The following ASXL3 variants were observed in gnomAD, a reference collection of about 807,000 sequenced individuals.
ASXL3 encodes putative Polycomb group protein ASXL3.
Under a neutral mutation model 170.6 loss-of-function variants are expected in ASXL3, and 34 were observed. The ratio of observed to expected loss-of-function variants is 0.20; its 90% CI spans 0.15 to 0.27. ASXL3 has a LOEUF of 0.27. ASXL3 is among the 10% of genes least tolerant of loss of function. The pLI is 1.00. For missense variants in ASXL3, 2,592 were observed against 2,695.3 expected (o/e 0.96, Z 0.85); for synonymous variants, 1,002 against 989.1 (o/e 1.01, Z -0.24).
chr18:33,647,413 G>A (rs1465149753), intron 4 of ASXL3, among the ~76,000 whole-genome samples: 1 of 152,044 alleles, frequency 6.6e-6, no homozygotes, highest in Non-Finnish European at 1.5e-5. Context: ...CTTTATGGAT[G>A]TTTTACTTTT....
At position 33,744,158 on chromosome 18, in the gene ASXL3, T is replaced by G; in HGVS notation, c.4310T>G (p.Leu1437Trp). The change falls in exon 12 of 12, where the codon TTG (leucine) becomes TGG (tryptophan). Residue 1437 changes from leucine (L) to tryptophan (W), a missense_variant. Coordinates refer to ENST00000269197, the MANE Select transcript of ASXL3 (RefSeq NM_030632.3). ...CCTCCCAAGTTAAGTGCTGAAAGCT[T>G]GGACAAAAATTCAGGGCCTCGAAAC... is the stretch of plus-strand genomic sequence containing the variant. ...DSPPKLSAESLDKNSGPRNRA... is the reference protein window; with the variant it reads ...DSPPKLSAESWDKNSGPRNRA... 6.2e-7 allele frequency: 1 copy of G among 1,614,012 alleles called. No individual in the cohort carries two copies. The highest frequency in any genetic ancestry group is 8.5e-7 in the Non-Finnish European group (1 of 1,179,890).
At chr18:33,641,106 A>G (rs1273819081) in intron 2 of ASXL3, among the ~76,000 whole-genome samples, 1 of 152,054 alleles carries the variant, frequency 6.6e-6, no homozygotes, top group Non-Finnish European at 1.5e-5. Flanking sequence ...TTCCCCAGGT[A>G]TTCTGTCTAG....
At chr18:33,594,202 T>C (rs1025841274) in intron 1 of ASXL3, among the ~76,000 whole-genome samples, 2 of 152,332 alleles carry the variant, frequency 1.3e-5, no homozygotes, top group Non-Finnish European at 2.9e-5. Flanking sequence ...AATTTAATAA[T>C]GCTGAATGGC....
chr18:33,598,728 G>T (rs1297152034), intron 1 of ASXL3, among the ~76,000 whole-genome samples: 1 of 152,160 alleles, frequency 6.6e-6, no homozygotes, highest in Non-Finnish European at 1.5e-5. Flanking sequence ...GATAAGAAAT[G>T]ATGACATATG....
At chr18:33,709,109 A>C (rs62092427) in intron 8 of ASXL3, among the ~76,000 whole-genome samples, 12,031 of 152,254 alleles carry the variant, frequency 0.079, 521 homozygotes, top group African/African-American at 0.084. Flanking sequence ...AGGATGAAAA[A>C]CAAACATACA....
chr18:33,598,331 T>C (rs2065149519), intron 1 of ASXL3, among the ~76,000 whole-genome samples: 1 of 152,208 alleles, frequency 6.6e-6, no homozygotes, highest in African/African-American at 2.4e-5. Context: ...TAGATTTTTA[T>C]GGGAGGTTCT....
intron 2 of ASXL3, among the ~76,000 whole-genome samples, chr18:33,627,903 A>G (rs999829400): frequency 1.8e-4 from 27 of 152,166 alleles, no homozygotes; most frequent in African/African-American, 6.5e-4. Context: ...AGACTAATGA[A>G]AAGCTTGCTG....
In ASXL3 at chr18:33,646,242, C is replaced by T. The variant is rs368536215; in HGVS notation, c.247-3C>T. On this transcript the variant is annotated splice_region_variant and splice_polypyrimidine_tract_variant and intron_variant, in intron 3 of 11. Transcript: ENST00000269197. ...TAAATCATCACTTTTCAAAATAATA[C>T]AGAAAGAGGAGTCGTCATGCCCAGC... 77 of 1,607,890 alleles carry T rather than the reference C, an allele frequency of 4.8e-5. No homozygotes were observed. Among genetic ancestry groups the T allele is most frequent in the Non-Finnish European group, 6.4e-5 (75 of 1,176,076 alleles).
chr18:33,724,323 T>A (rs2067310914), intron 8 of ASXL3, among the ~76,000 whole-genome samples: 1 of 152,120 alleles, frequency 6.6e-6, no homozygotes, highest in Admixed American at 6.6e-5. Flanking sequence ...AGCTTGTAGG[T>A]TAAAGTTTAT....
chr18:33,680,825 C>G (rs955048545), intron 7 of ASXL3, among the ~76,000 whole-genome samples: 1 of 151,560 alleles, frequency 6.6e-6, no homozygotes, highest in African/African-American at 2.4e-5. Context: ...TGTTCATTTT[C>G]TAAATTTTTA....
chr18:33,629,973 G>A (rs182495527), intron 2 of ASXL3, among the ~76,000 whole-genome samples: 29 of 151,956 alleles, frequency 1.9e-4, no homozygotes, highest in Admixed American at 1.4e-3. Context: ...TTTAATGTAC[G>A]GAAGAAGAGT....
At chr18:33,644,660 T>C (rs1270773193) in intron 2 of ASXL3, among the ~76,000 whole-genome samples, 1 of 151,966 alleles carries the variant, frequency 6.6e-6, no homozygotes, top group Non-Finnish European at 1.5e-5. Flanking sequence ...GACTTTTGCC[T>C]GAAGCCTTAT....
intron 2 of ASXL3, among the ~76,000 whole-genome samples, chr18:33,631,119 AAAACATT>A (rs1297853052): frequency 2.0e-5 from 3 of 152,020 alleles, no homozygotes; most frequent in African/African-American, 7.2e-5. Flanking sequence ...TATGAAAAAC[AAAACATT>A]AAGTCATAAA....
At position 33,688,101 on chromosome 18, in the gene ASXL3, C is replaced by G. The variant is rs140519493; in HGVS notation, c.879+4533C>G. 5.6e-4 allele frequency among the ~76,000 whole-genome samples: 85 copies of G among 152,296 alleles called. No homozygotes were observed. In the East Asian group the frequency reaches 0.014, roughly 24 times the overall value. On this transcript the variant is annotated intron_variant, in intron 8 of 11. Transcript: ENST00000269197. The stretch of plus-strand genomic sequence containing the variant: ...TATTTCATGCAAAAGACCTAAGATT[C>G]ACACTAATAGTACCGTTTAGATCAC...
chr18:33,645,064 A>G (rs2065898808), intron 3 of ASXL3, 62 bp downstream of exon 3: 5 of 1,189,508 alleles, frequency 4.2e-6, no homozygotes, highest in Non-Finnish European at 5.9e-6. Context: ...AGACATGTGA[A>G]GGTAAACAAA....
At chr18:33,630,978 T>C (rs2065668378) in intron 2 of ASXL3, among the ~76,000 whole-genome samples, 1 of 151,384 alleles carries the variant, frequency 6.6e-6, no homozygotes, top group African/African-American at 2.4e-5. Flanking sequence ...TAGAAAAAAA[T>C]TAGAAAAAAT....
chr18:33,730,705 AT>A (rs1178087108), intron 8 of ASXL3, among the ~76,000 whole-genome samples: 1 of 152,224 alleles, frequency 6.6e-6, no homozygotes, highest in Non-Finnish European at 1.5e-5. Context: ...TGTAGAATAT[AT>A]TCAGAATATA....
At chr18:33,716,070 G>A (rs544313867) in intron 8 of ASXL3, among the ~76,000 whole-genome samples, 49 of 152,178 alleles carry the variant, frequency 3.2e-4, no homozygotes, top group Admixed American at 5.2e-4. Flanking sequence ...GTTCATAAAG[G>A]CCAATTCTTA....
Position 33,748,123 on chromosome 18 carries a change from G to T in ASXL3, c.*1528G>T, listed in dbSNP as rs958681287. ...GTAGAATTTAAAAAGCAAACATGGG[G>T]GGGGTGGGGAATCATCTGTATCCAG... is the stretch of plus-strand genomic sequence containing the variant. On this transcript the variant is annotated 3_prime_UTR_variant, in exon 12 of 12. Transcript: ENST00000269197. The T allele has an allele frequency of 6.6e-6, 1 of 152,180 alleles. No homozygotes were observed. Among genetic ancestry groups the T allele is most frequent in the African/African-American group, 2.4e-5 (1 of 41,506 alleles). 9.4% of individuals were successfully genotyped at this position (152,180 alleles called of 1,614,324 possible). A position where few individuals can be genotyped will look rare whatever the true frequency, so the allele number is the denominator to read the frequency against.
Sources: allele counts gnomAD v4.1 joint callset (sites outside exome capture counted in the v4.1 genomes callset), GRCh38; gene constraint gnomAD v4.1.1; transcripts MANE v1.5; gene names NCBI Gene and HGNC (gene_info 2026-07-23, HGNC 2026-07-21).